The following ROCK2 variants were observed in gnomAD, a reference collection of about 807,000 sequenced individuals.
The protein encoded by ROCK2 is rho-associated protein kinase 2.
A neutral mutation model predicts 195.1 loss-of-function variants in ROCK2; 61 were observed. That is an observed-to-expected ratio of 0.31 (90% CI 0.25 to 0.39). ROCK2 has a LOEUF of 0.39. Ranked by LOEUF, ROCK2 falls within the 10% of genes least tolerant of loss-of-function variation. The pLI is 1.00. For missense variants in ROCK2, 1,109 were observed against 1,637.4 expected, an observed-to-expected ratio of 0.68 and a Z score of 5.57; for synonymous variants, 504 against 545.5, an observed-to-expected ratio of 0.92 and a Z score of 1.06.
In ROCK2 at chr2:11,215,298, T is replaced by C. The variant is rs369583576; in HGVS notation, c.1689+23A>G. ...CGTTAAAAATAAAACCCAGTATCTTTACTACAAATTAGATCCACCTACTTG... is the reference window on the plus strand; with the variant it reads ...CGTTAAAAATAAAACCCAGTATCTTCACTACAAATTAGATCCACCTACTTG... On this transcript the variant is annotated intron_variant, in intron 15 of 32. Transcript: ENST00000315872. 6 of 1,543,094 alleles carry C rather than the reference T, an allele frequency of 3.9e-6. 1 individual carries two copies. Among genetic ancestry groups the C allele is most frequent in the Non-Finnish European group, 5.3e-6 (6 of 1,135,966 alleles).
At chr2:11,220,585 C>T (rs950177737) in intron 9 of ROCK2, among the ~76,000 whole-genome samples, 55 of 152,212 alleles carry the variant, frequency 3.6e-4, no homozygotes, top group Non-Finnish European at 1.0e-4. Flanking sequence ...GTCCTCCAAA[C>T]TGTAATGACA....
At chr2:11,267,864 C>T (rs991960109) in intron 3 of ROCK2, among the ~76,000 whole-genome samples, 1 of 151,920 alleles carries the variant, frequency 6.6e-6, no homozygotes. Flanking sequence ...CCAGGATGGT[C>T]TCAAACTCCT....
intron 1 of ROCK2, among the ~76,000 whole-genome samples, chr2:11,332,664 C>G (rs1201059635): frequency 6.6e-6 from 1 of 152,160 alleles, no homozygotes; most frequent in Non-Finnish European, 1.5e-5. Context: ...AATGGTAGGG[C>G]TACTTCAGAA....
intron 3 of ROCK2, among the ~76,000 whole-genome samples, chr2:11,254,756 A>AAG (rs1273592273): frequency 1.4e-5 from 2 of 144,476 alleles, no homozygotes; most frequent in African/African-American, 5.4e-5. Context: ...AAAAAAAAAA[A>AAG]GGTAGAGAAA....
chr2:11,275,751 G>C (rs1340146493), intron 3 of ROCK2, among the ~76,000 whole-genome samples: 1 of 142,478 alleles, frequency 7.0e-6, no homozygotes, highest in African/African-American at 2.7e-5. Context: ...CCAGGCTGGA[G>C]TACAGTGGTG....
chr2:11,274,015 C>T (rs969840909), intron 3 of ROCK2, among the ~76,000 whole-genome samples: 27 of 149,336 alleles, frequency 1.8e-4, no homozygotes, highest in Admixed American at 1.5e-3. Flanking sequence ...AAATAACCAA[C>T]GAATCATATA....
Position 11,235,545 on chromosome 2 carries a change from T to C in ROCK2, c.723+157A>G, listed in dbSNP as rs1665174089. Reference sequence around the variant, plus strand: ...TACAAAAGAAATGTTTTAAGTTGGTTAAGGAAATGTTTTAAGTTGGTTATA... The same window carrying C: ...TACAAAAGAAATGTTTTAAGTTGGTCAAGGAAATGTTTTAAGTTGGTTATA... On this transcript the variant is annotated intron_variant, in intron 5 of 32. Transcript: ENST00000315872. The surrounding 1 kb of genome is among the most constrained non-coding windows in gnomAD (Gnocchi z 4.2). 1.3e-5 allele frequency among the ~76,000 whole-genome samples: 2 copies of C among 152,212 alleles called. No homozygotes were observed. The highest frequency in any genetic ancestry group is 1.3e-4 in the Admixed American group (2 of 15,280).
chr2:11,310,908 A>AAG (rs1372762254), intron 1 of ROCK2, among the ~76,000 whole-genome samples: 1 of 151,886 alleles, frequency 6.6e-6, no homozygotes, highest in African/African-American at 2.4e-5. Flanking sequence ...GGAAGATTTC[A>AAG]CCTCTGTGAG....
chr2:11,254,890 A>G (rs1480722654), intron 3 of ROCK2, among the ~76,000 whole-genome samples: 1 of 151,940 alleles, frequency 6.6e-6, no homozygotes, highest in Non-Finnish European at 1.5e-5. Flanking sequence ...ATCCAAAGGG[A>G]AACACAGTTT....
intron 1 of ROCK2, among the ~76,000 whole-genome samples, chr2:11,311,697 A>C (rs1019846323): frequency 1.3e-5 from 2 of 152,342 alleles, no homozygotes; most frequent in East Asian, 1.9e-4. Context: ...CCCAGCAGTC[A>C]AACATTAGCA....
At chr2:11,220,638 C>A (rs115132280) in intron 9 of ROCK2, among the ~76,000 whole-genome samples, 3 of 152,170 alleles carry the variant, frequency 2.0e-5, no homozygotes, top group African/African-American at 4.8e-5. Context: ...GGACTCAATG[C>A]GAGTGCTCTG....
chr2:11,343,252 A>G (rs1030614752), intron 1 of ROCK2, among the ~76,000 whole-genome samples: 1 of 152,196 alleles, frequency 6.6e-6, no homozygotes, highest in African/African-American at 2.4e-5. Flanking sequence ...TCTACGGTGC[A>G]TTTCTATTTT....
intron 1 of ROCK2, among the ~76,000 whole-genome samples, chr2:11,310,419 T>C (rs374138807): frequency 2.0e-5 from 3 of 152,198 alleles, no homozygotes; most frequent in East Asian, 1.9e-4. Flanking sequence ...TGGCTTAGAA[T>C]TGATGAAAGA....
chr2:11,232,135 T>C (rs1323900997), intron 5 of ROCK2, among the ~76,000 whole-genome samples: 1 of 151,914 alleles, frequency 6.6e-6, no homozygotes, highest in East Asian at 1.9e-4. Context: ...CATTTCTTTT[T>C]TTTTTTCAGA....
At chr2:11,229,571 A>T (rs934120855) in intron 5 of ROCK2, among the ~76,000 whole-genome samples, 1 of 151,982 alleles carries the variant, frequency 6.6e-6, no homozygotes, top group African/African-American at 2.4e-5. Context: ...TCCAAAAAAA[A>T]AAATAAACAT....
chr2:11,339,548 AAAAAG>A (rs1035060854), intron 1 of ROCK2, among the ~76,000 whole-genome samples: 6 of 151,976 alleles, frequency 3.9e-5, no homozygotes, highest in South Asian at 2.1e-4. Context: ...AAAACAAAAA[AAAAAG>A]AAAGAAAGAA....
rs1285536386 is a variant in ROCK2 at position 11,327,799 on chromosome 2, G to C, written c.141+16197C>G. On this transcript the variant is annotated intron_variant, in intron 1 of 32. Coordinates refer to ENST00000315872, the MANE Select transcript of ROCK2 (RefSeq NM_004850.5). ...GCTGGTCTCCAACTCCTGGGCTCAAGCTATCTGCCCACCTTGGCCTCCCAA... is the reference window on the plus strand; with the variant it reads ...GCTGGTCTCCAACTCCTGGGCTCAACCTATCTGCCCACCTTGGCCTCCCAA... 2.6e-5 allele frequency among the ~76,000 whole-genome samples: 4 copies of C among 152,312 alleles called. No individual in the cohort carries two copies. The East Asian group carries it at 7.7e-4, about 29-fold the overall frequency.
intron 25 of ROCK2, 26 bp downstream of exon 25, chr2:11,198,465 T>C (rs1378419846): frequency 6.8e-7 from 1 of 1,470,076 alleles, no homozygotes; most frequent in South Asian, 1.2e-5. Flanking sequence ...AAATTCAAAA[T>C]CATATTTAGA....
At chr2:11,198,646 T>C (rs1161197030) in intron 24 of ROCK2, 35 bp downstream of exon 24, 5 of 1,567,792 alleles carry the variant, frequency 3.2e-6, no homozygotes, top group East Asian at 2.2e-5. Context: ...AAACATTAGG[T>C]ATATTAAAAA....
Sources: allele counts gnomAD v4.1 joint callset (sites outside exome capture counted in the v4.1 genomes callset), GRCh38; gene constraint gnomAD v4.1.1; non-coding constraint Gnocchi (gnomAD v3.1); transcripts MANE v1.5; gene names NCBI Gene and HGNC (gene_info 2026-07-23, HGNC 2026-07-21).